KIRREL3: variants seen among roughly 807,000 people sequenced by gnomAD.
KIRREL3 encodes the protein kin of IRRE-like protein 3.
In KIRREL3, 36 loss-of-function variants were observed where a neutral mutation model predicts 89.7. The observed-to-expected ratio is 0.40, with a 90% CI of 0.31 to 0.53. The LOEUF is 0.53. Among genes scored for constraint, KIRREL3 ranks in the 20% least tolerant of loss-of-function variants. The pLI is 0.49. For synonymous variants in KIRREL3, 445 were observed against 441.4 expected (o/e 1.01, Z -0.10); for missense variants, 864 against 1,056.6 (o/e 0.82, Z 2.53).
rs1949243789 is a variant in KIRREL3, at chr11:126,748,890, G to C, written c.56-185978C>G. ...AGTGTATTTACCAAGCAATTTGCAA[G>C]ACCAAGTAATTCCTTCTCAGTTCAT... is the stretch of plus-strand genomic sequence containing the variant. On this transcript the variant is annotated intron_variant, in intron 1 of 16. Transcript: ENST00000525144. This position sits in a 1 kb window ranked among gnomAD's most constrained non-coding sequence, Gnocchi z 4.6. Among the ~76,000 whole-genome samples the C allele has an allele frequency of 6.6e-6, 1 of 152,190 alleles. No individual in the cohort carries two copies. Among genetic ancestry groups the C allele is most frequent in the African/African-American group, 2.4e-5 (1 of 41,458 alleles).
Position 126,645,640 on chromosome 11 carries a change from A to G in KIRREL3, c.56-82728T>C, listed in dbSNP as rs1944637685. Reference sequence around the variant, plus strand: ...TGAAATTCTAGGTTTCTGAAGAAGAAAAGGTAAGAAGGACTCTCAAAGCCT... The same window carrying G: ...TGAAATTCTAGGTTTCTGAAGAAGAGAAGGTAAGAAGGACTCTCAAAGCCT... On this transcript the variant is annotated intron_variant, in intron 1 of 16. Transcript: ENST00000525144. The surrounding 1 kb of genome is among the most constrained non-coding windows in gnomAD (Gnocchi z 4.9). Among the ~76,000 whole-genome samples the G allele has an allele frequency of 6.6e-6, 1 of 152,228 alleles. No homozygotes were observed. The highest frequency in any genetic ancestry group is 2.1e-4 in the South Asian group (1 of 4,828).
rs1371277638 is a variant in KIRREL3, at chr11:126,843,877, G to T, written c.55+156578C>A. The stretch of plus-strand genomic sequence containing the variant: ...ACAAATGCCATGGCAACATCAGAAA[G>T]TTACCCTACCTGGGCTCAAAAGGGG... On this transcript the variant is annotated intron_variant, in intron 1 of 16. Coordinates refer to ENST00000525144, the MANE Select transcript of KIRREL3 (RefSeq NM_032531.4). The surrounding 1 kb of genome is among the most constrained non-coding windows in gnomAD (Gnocchi z 4.6). Among the ~76,000 whole-genome samples the T allele has an allele frequency of 6.6e-6, 1 of 152,084 alleles. No individual in the cohort carries two copies. The highest frequency in any genetic ancestry group is 1.5e-5 in the Non-Finnish European group (1 of 68,016).
At chr11:126,866,529 C>T (rs1339595152) in intron 1 of KIRREL3, among the ~76,000 whole-genome samples, 1 of 152,108 alleles carries the variant, frequency 6.6e-6, no homozygotes, top group Admixed American at 6.5e-5. Flanking sequence ...GATGGGGTCC[C>T]TGGGGGGGGC....
At position 126,427,850 on chromosome 11, in the gene KIRREL3, C is replaced by A. The variant is rs1433705261; in HGVS notation, c.1806+1329G>T. Among the ~76,000 whole-genome samples, 3 of 152,196 alleles carry A rather than the reference C, an allele frequency of 2.0e-5. No individual in the cohort carries two copies. The highest frequency in any genetic ancestry group is 4.4e-5 in the Non-Finnish European group (3 of 68,038). The stretch of plus-strand genomic sequence containing the variant: ...AGACCAACTGGGAGGCTGCTGTAAT[C>A]ATCCAGGGGAGCAATGATGAGGCCT... On this transcript the variant is annotated intron_variant, in intron 15 of 16. Transcript: ENST00000525144. The surrounding 1 kb of genome is among the most constrained non-coding windows in gnomAD (Gnocchi z 5.3).
At chr11:126,745,397 A>C (rs142483407) in intron 1 of KIRREL3, among the ~76,000 whole-genome samples, 1 of 152,216 alleles carries the variant, frequency 6.6e-6, no homozygotes, top group African/African-American at 2.4e-5. Context: ...AAAAAGACAA[A>C]ATGGAATTTT....
At chr11:126,847,468 T>A (rs1426838651) in intron 1 of KIRREL3, among the ~76,000 whole-genome samples, 1 of 152,152 alleles carries the variant, frequency 6.6e-6, no homozygotes, top group Non-Finnish European at 1.5e-5. Context: ...TAAAAAAAGA[T>A]GGCTTATAAT....
At chr11:126,649,188 C>A (rs1182206633) in intron 1 of KIRREL3, among the ~76,000 whole-genome samples, 3 of 152,196 alleles carry the variant, frequency 2.0e-5, no homozygotes, top group African/African-American at 7.2e-5. Flanking sequence ...GGGTCCCTCC[C>A]ACAACACGTG....
chr11:126,902,203 C>CA (rs986827309), intron 1 of KIRREL3, among the ~76,000 whole-genome samples: 2 of 152,192 alleles, frequency 1.3e-5, no homozygotes, highest in Admixed American at 6.5e-5. Flanking sequence ...GCTCGTCCAC[C>CA]AAAAGGTGCT....
At chr11:126,451,262 TTG>T (rs540464557) in intron 7 of KIRREL3, among the ~76,000 whole-genome samples, 86 of 128,790 alleles carry the variant, frequency 6.7e-4, no homozygotes, top group Middle Eastern at 5.2e-3. Context: ...TGTGCATTGC[TTG>T]TGTGTCCGTG....
intron 1 of KIRREL3, chr11:126,935,703 T>C (rs1948156772): frequency 6.6e-6 from 1 of 152,116 alleles, no homozygotes; most frequent in Non-Finnish European, 1.5e-5. Context: ...AATACAAAGA[T>C]TAGTGGTTGC....
rs868200985 is a variant in KIRREL3, at chr11:126,830,231, C to T, written c.55+170224G>A. ...ATAGGTACATTTTACAAGATGAATT[C>T]TGTCACCAGTGTTGGCAGCTTCTCA... On this transcript the variant is annotated intron_variant, in intron 1 of 16. Coordinates refer to ENST00000525144, the MANE Select transcript of KIRREL3 (RefSeq NM_032531.4). The surrounding 1 kb of genome is among the most constrained non-coding windows in gnomAD (Gnocchi z 4.9). 9.9e-5 allele frequency among the ~76,000 whole-genome samples: 15 copies of T among 152,178 alleles called. No individual in the cohort carries two copies. Among genetic ancestry groups the T allele is most frequent in the Non-Finnish European group, 1.8e-4 (12 of 68,022 alleles).
intron 1 of KIRREL3, among the ~76,000 whole-genome samples, chr11:126,974,299 A>C (rs1171869936): frequency 1.3e-5 from 2 of 152,156 alleles, no homozygotes; most frequent in Admixed American, 1.3e-4. Flanking sequence ...TAATGTTTTC[A>C]ATAACAGTCA....
chr11:126,850,426 T>A (rs1230557782), intron 1 of KIRREL3, among the ~76,000 whole-genome samples: 1 of 152,162 alleles, frequency 6.6e-6, no homozygotes, highest in Non-Finnish European at 1.5e-5. Context: ...CTCCCTTTGT[T>A]GGCAGCTCTA....
Position 126,498,115 on chromosome 11 carries a change from T to G in KIRREL3, c.433+23200A>C, listed in dbSNP as rs61536457. On this transcript the variant is annotated intron_variant, in intron 4 of 16. Transcript: ENST00000525144. The surrounding 1 kb of genome is among the most constrained non-coding windows in gnomAD (Gnocchi z 4.3). ...ACAGCCAGTAAGCCTGCTTAGTAGC[T>G]CTACTGCATCACACTGGTCTGGACC... 0.28 allele frequency among the ~76,000 whole-genome samples: 41,885 copies of G among 152,040 alleles called. 6,475 individuals are homozygous for G. Among genetic ancestry groups the G allele is most frequent in the Middle Eastern group, 0.37 (108 of 294 alleles).
chr11:126,589,996 G>A (rs1001840466), intron 1 of KIRREL3, among the ~76,000 whole-genome samples: 7 of 152,182 alleles, frequency 4.6e-5, no homozygotes, highest in African/African-American at 1.7e-4. Flanking sequence ...CACTGCAGCA[G>A]AACATGCCAC....
chr11:126,996,539 G>A lies in KIRREL3; in HGVS notation c.55+3916C>T, dbSNP rs1950182743. On this transcript the variant is annotated intron_variant, in intron 1 of 16. Coordinates refer to ENST00000525144, the MANE Select transcript of KIRREL3 (RefSeq NM_032531.4). The surrounding 1 kb of genome is among the most constrained non-coding windows in gnomAD (Gnocchi z 4.7). ...TGGCTCCTCCTTTTCCATGCTTCTTGTCATCTCCATGGCTCCCTTCACCCT... is the reference window on the plus strand; with the variant it reads ...TGGCTCCTCCTTTTCCATGCTTCTTATCATCTCCATGGCTCCCTTCACCCT... 6.6e-6 allele frequency among the ~76,000 whole-genome samples: 1 copy of A among 152,044 alleles called. No homozygotes were observed. Among genetic ancestry groups the A allele is most frequent in the Non-Finnish European group, 1.5e-5 (1 of 68,024 alleles).
At chr11:126,770,603 A>G (rs1949990511) in intron 1 of KIRREL3, among the ~76,000 whole-genome samples, 1 of 152,142 alleles carries the variant, frequency 6.6e-6, no homozygotes, top group Non-Finnish European at 1.5e-5. Context: ...CCTGTTATGC[A>G]CAGGTTTTGA....
chr11:126,901,864 C>T (rs1946384786), intron 1 of KIRREL3, among the ~76,000 whole-genome samples: 1 of 152,178 alleles, frequency 6.6e-6, no homozygotes, highest in African/African-American at 2.4e-5. Flanking sequence ...AACAAAGAAA[C>T]AACCAGTGAG....
intron 1 of KIRREL3, among the ~76,000 whole-genome samples, chr11:126,831,502 C>G (rs934537992): frequency 4.6e-5 from 7 of 151,788 alleles, no homozygotes; most frequent in Admixed American, 3.9e-4. Flanking sequence ...TCAGGTAAAC[C>G]TTGCCCTGAC....
Sources: gnomAD v4.1 joint callset for allele counts (sites outside exome capture counted in the v4.1 genomes callset) on GRCh38, gnomAD v4.1.1 for gene constraint, Gnocchi (gnomAD v3.1) non-coding constraint, MANE v1.5 for transcripts, NCBI Gene and HGNC (gene_info 2026-07-23, HGNC 2026-07-21) for gene names.